The following TOGARAM1 variants were observed in gnomAD, a reference collection of about 807,000 sequenced individuals.
The protein encoded by TOGARAM1 is TOG array regulator of axonemal microtubules 1, also known as TOG array regulator of axonemal microtubules protein 1.
In TOGARAM1, 100 loss-of-function variants were observed where a neutral mutation model predicts 166.6. The ratio of observed to expected loss-of-function variants is 0.60; its 90% CI spans 0.51 to 0.71. TOGARAM1 has a LOEUF of 0.71. Ranked by LOEUF, TOGARAM1 falls within the 30% of genes least tolerant of loss-of-function variation. The probability of loss-of-function intolerance (pLI) is 0.00; values close to 1 mark genes in which losing one functional copy is unlikely to be tolerated. For synonymous variants in TOGARAM1, 758 were observed against 763.8 expected (o/e 0.99, Z 0.13); for missense variants, 2,029 against 2,102.7 (o/e 0.96, Z 0.69).
intron 11 of TOGARAM1, among the ~76,000 whole-genome samples, chr14:45,034,131 T>G (rs1478510196): frequency 6.6e-6 from 1 of 152,184 alleles, no homozygotes; most frequent in Non-Finnish European, 1.5e-5. Context: ...CACTCCAGCC[T>G]GGGTGACAGA....
At chr14:44,987,314 T>C (rs961306758) in intron 1 of TOGARAM1, among the ~76,000 whole-genome samples, 17 of 152,072 alleles carry the variant, frequency 1.1e-4, no homozygotes, top group African/African-American at 4.1e-4. Flanking sequence ...TCAGAGTGAA[T>C]AGGCAACCTA....
rs778750408 is a variant in TOGARAM1 at position 45,066,622 on chromosome 14, G to T, written c.4604G>T (p.Arg1535Leu). 1.9e-6 allele frequency: 3 copies of T among 1,612,024 alleles called. No homozygotes were observed. The highest frequency in any genetic ancestry group is 2.5e-6 in the Non-Finnish European group (3 of 1,178,624). Reference protein sequence around the residue: ...VREVTRKSVPRNSLESAEYLK... With the variant: ...VREVTRKSVPLNSLESAEYLK... ...GAAGTCACCAGAAAATCAGTCCCTC[G>T]TAATTCCTTAGAAAGTGCTGAGTAC... is the stretch of plus-strand genomic sequence containing the variant. The change falls in exon 17 of 20, where the codon CGT becomes CTT. Residue 1535 changes from arginine to leucine, a missense_variant. This residue lies in a region of TOGARAM1 where 576 missense variants were observed against 670.5 expected (regional missense o/e 0.86). Coordinates refer to ENST00000361462, the MANE Select transcript of TOGARAM1 (RefSeq NM_001308120.2).
Position 45,068,658 on chromosome 14 carries a change from T to G in TOGARAM1, c.4969+15T>G. The G allele has an allele frequency of 6.5e-7, 1 of 1,530,656 alleles. No individual in the cohort carries two copies. 94.8% of individuals were successfully genotyped at this position (1,530,656 alleles called of 1,614,324 possible). The stretch of plus-strand genomic sequence containing the variant: ...TCAGCATGTAGGTAAGAAATCTTAC[T>G]TCGGCACTCAAATTATTTTCACTTT... On this transcript the variant is annotated intron_variant, in intron 18 of 19. Coordinates refer to ENST00000361462, the MANE Select transcript of TOGARAM1 (RefSeq NM_001308120.2).
rs199831431 is a variant in TOGARAM1, at chr14:44,999,410, C to T, written c.2251C>T (p.Leu751Phe). The T allele has an allele frequency of 9.9e-6, 16 of 1,610,834 alleles. No individual in the cohort carries two copies. In the East Asian group the frequency reaches 2.9e-4, roughly 29 times the overall value. The change falls in exon 3 of 20, where the codon CTT becomes TTT. Residue 751 changes from leucine to phenylalanine, a missense_variant. Leu to Phe is a conservative substitution (Grantham distance 22). Transcript: ENST00000361462. Reference protein sequence around the residue: ...QTNLSGKCAQLGFSQICGKTG... With the variant: ...QTNLSGKCAQFGFSQICGKTG... ...AAATCTTTCTGGGAAATGTGCACAA[C>T]TTGGATTTTCACAAATATGTGGTAA... is the stretch of plus-strand genomic sequence containing the variant.
chr14:45,064,495 G>C (rs1281205179), intron 16 of TOGARAM1, among the ~76,000 whole-genome samples: 1 of 151,912 alleles, frequency 6.6e-6, no homozygotes, highest in Non-Finnish European at 1.5e-5. Context: ...TTTGAGGGCA[G>C]GGTCTTGCTC....
Position 44,963,145 on chromosome 14 carries a change from C to T in TOGARAM1, c.724C>T (p.Leu242Phe), listed in dbSNP as rs1885288939. ...ASTALLLPIL[L>F]TTEDLLLGLD... ...CACAGCACTACTGCTTCCCATCTTG[C>T]TTACTACTGAGGACTTGTTGCTTGG... Residue 242 changes from leucine (L) to phenylalanine (F), a missense_variant, in exon 1 of 20, where the codon CTT becomes TTT. By Grantham distance (22) the Leu-to-Phe change is conservative. Transcript: ENST00000361462. 6.2e-7 allele frequency: 1 copy of T among 1,614,190 alleles called. No homozygotes were observed. The highest frequency in any genetic ancestry group is 8.5e-7 in the Non-Finnish European group (1 of 1,180,042).
intron 11 of TOGARAM1, among the ~76,000 whole-genome samples, chr14:45,035,599 G>T (rs921736515): frequency 5.9e-5 from 9 of 151,852 alleles, no homozygotes; most frequent in African/African-American, 1.9e-4. Context: ...AACATGAAAA[G>T]AAATATTTCA....
rs754758904 is a variant in TOGARAM1 at position 44,962,644 on chromosome 14, T to C, written c.223T>C (p.Ser75Pro). 1 of 1,614,086 alleles carries C rather than the reference T, an allele frequency of 6.2e-7. No individual in the cohort carries two copies. Among genetic ancestry groups the C allele is most frequent in the Admixed American group, 1.7e-5 (1 of 60,010 alleles). Reference protein sequence around the residue: ...SPLASALLMPSEAVSSSWSES... With the variant: ...SPLASALLMPPEAVSSSWSES... ...TCTGGCCTCGGCCCTCTTGATGCCC[T>C]CGGAGGCAGTCTCAAGCAGCTGGTC... Residue 75 changes from serine (S) to proline (P), a missense_variant, in exon 1 of 20, where the codon TCG (serine) becomes CCG (proline). Physicochemically the swap from Ser to Pro is moderately conservative, Grantham distance 74. This residue lies in a region of TOGARAM1 where 1,453 missense variants were observed against 1,432.2 expected (regional missense o/e 1.01). Transcript: ENST00000361462.
At chr14:45,016,583 G>C (rs1164327139) in intron 7 of TOGARAM1, among the ~76,000 whole-genome samples, 1 of 152,158 alleles carries the variant, frequency 6.6e-6, no homozygotes, top group African/African-American at 2.4e-5. Flanking sequence ...TTTTGATGGA[G>C]GTGGGGGCTT....
At chr14:44,975,146 T>C (rs1886108864) in intron 1 of TOGARAM1, among the ~76,000 whole-genome samples, 1 of 152,176 alleles carries the variant, frequency 6.6e-6, no homozygotes, top group Non-Finnish European at 1.5e-5. Context: ...AACAGAATTT[T>C]CCCCTTTCTG....
Position 45,018,513 on chromosome 14 carries a change from G to A in TOGARAM1, c.3238+6438G>A, listed in dbSNP as rs1880295148. Among the ~76,000 whole-genome samples, 3 of 152,140 alleles carry A rather than the reference G, an allele frequency of 2.0e-5. No individual in the cohort carries two copies. In the South Asian group the frequency reaches 6.2e-4, roughly 31 times the overall value. ...CCTGCCTTGGCATCCCAAAGTGCTG[G>A]GACTACAGGTGTGAGCCACCACACC... is the stretch of plus-strand genomic sequence containing the variant. On this transcript the variant is annotated intron_variant, in intron 7 of 19. Transcript: ENST00000361462.
At chr14:45,029,115 A>G (rs2138912777) in intron 10 of TOGARAM1, among the ~76,000 whole-genome samples, 1 of 152,316 alleles carries the variant, frequency 6.6e-6, no homozygotes, top group South Asian at 2.1e-4. Flanking sequence ...TTCAAAGCTA[A>G]TCACTGTTGA....
intron 1 of TOGARAM1, among the ~76,000 whole-genome samples, chr14:44,982,298 T>C (rs1379518629): frequency 2.0e-5 from 3 of 152,220 alleles, no homozygotes; most frequent in Non-Finnish European, 2.9e-5. Context: ...GTGGATTCTT[T>C]TTGTGCTCTG....
chr14:45,022,521 G>A (rs1427521690), intron 7 of TOGARAM1, among the ~76,000 whole-genome samples: 1 of 151,570 alleles, frequency 6.6e-6, no homozygotes, highest in African/African-American at 2.4e-5. Context: ...CATCTGATAG[G>A]TGCTATCAAT....
At chr14:45,049,268 CT>C (rs1032278943) in intron 14 of TOGARAM1, among the ~76,000 whole-genome samples, 84 of 143,320 alleles carry the variant, frequency 5.9e-4, no homozygotes, top group Admixed American at 7.7e-4. Flanking sequence ...AAGCGCTCTG[CT>C]TTTTTTTTTT....
At chr14:45,052,671 TTTGGACTA>T in intron 15 of TOGARAM1, 109 bp downstream of exon 15, 1 of 1,034,350 alleles carries the variant, frequency 9.7e-7, no homozygotes, top group Non-Finnish European at 1.4e-6. Context: ...CTGTTAATCA[TTTGGACTA>T]TTGGACTATA....
chr14:44,998,272 G>A (rs1266327711), intron 2 of TOGARAM1, among the ~76,000 whole-genome samples: 2 of 152,188 alleles, frequency 1.3e-5, no homozygotes, highest in Non-Finnish European at 2.9e-5. Flanking sequence ...TAATTGTACA[G>A]ATTCTAAACA....
chr14:44,979,959 A>G (rs953547300), intron 1 of TOGARAM1, among the ~76,000 whole-genome samples: 1 of 152,162 alleles, frequency 6.6e-6, no homozygotes, highest in Non-Finnish European at 1.5e-5. Flanking sequence ...TCAGCTCCTA[A>G]TGAACCACTG....
chr14:45,014,377 C>T (rs775182282), intron 7 of TOGARAM1, among the ~76,000 whole-genome samples: 6 of 152,122 alleles, frequency 3.9e-5, no homozygotes, highest in Non-Finnish European at 8.8e-5. Flanking sequence ...ATGAATTCAT[C>T]TTTCTGGTTA....
Sources: gnomAD v4.1 joint callset for allele counts (sites outside exome capture counted in the v4.1 genomes callset) on GRCh38, gnomAD v4.1.1 for gene constraint, gnomAD v4.1.1 regional missense constraint, MANE v1.5 for transcripts, NCBI Gene and HGNC (gene_info 2026-07-23, HGNC 2026-07-21) for gene names.